Variants in FBXO40 observed in about 807,000 individuals in gnomAD.
FBXO40 encodes F-box only protein 40.
A neutral mutation model predicts 49.9 loss-of-function variants in FBXO40; 50 were observed. The observed-to-expected ratio is 1.00, with a 90% confidence interval of 0.80 to 1.27. The LOEUF (loss-of-function observed/expected upper bound fraction) is 1.27, where lower values mean the gene tolerates loss of function less well. Among genes scored for constraint, FBXO40 ranks in the 50% most tolerant of loss-of-function variants. The pLI, the probability that FBXO40 is intolerant of heterozygous loss-of-function variation, is 0.00. For synonymous variants in FBXO40, 340 were observed against 320.2 expected (o/e 1.06, Z -0.66); for missense variants, 895 against 870.1 (o/e 1.03, Z -0.36).
At chr3:121,603,797 C>A (rs2048913937) in intron 1 of FBXO40, among the ~76,000 whole-genome samples, 2 of 152,320 alleles carry the variant, frequency 1.3e-5, no homozygotes, top group South Asian at 4.1e-4. Context: ...CAGCTCACTG[C>A]AACCTCTGTC....
At position 121,630,234 on chromosome 3, in the gene FBXO40, C is replaced by T. The variant is rs1344678751; in HGVS notation, c.*3324C>T. Reference sequence around the variant, plus strand: ...TGAGTATATCTGTGGTGACTGACCTCTGTATACTAGAAACCTCAACATCTC... The same window carrying T: ...TGAGTATATCTGTGGTGACTGACCTTTGTATACTAGAAACCTCAACATCTC... On this transcript the variant is annotated 3_prime_UTR_variant, in exon 4 of 4. Transcript: ENST00000338040. 1.3e-5 allele frequency: 2 copies of T among 152,346 alleles called. No individual in the cohort carries two copies. The highest frequency in any genetic ancestry group is 3.9e-4 in the East Asian group (2 of 5,192). 9.4% of individuals were successfully genotyped at this position (152,346 alleles called of 1,614,324 possible).
Position 121,629,523 on chromosome 3 carries a change from G to C in FBXO40, c.*2613G>C, listed in dbSNP as rs2049081336. The C allele has an allele frequency of 6.6e-6, 1 of 152,164 alleles. No homozygotes were observed. Among genetic ancestry groups the C allele is most frequent in the African/African-American group, 2.4e-5 (1 of 41,428 alleles). 9.4% of individuals were successfully genotyped at this position (152,164 alleles called of 1,614,324 possible). ...TAGACCAATGGAGATGAAAATCAGG[G>C]GCTATCGACAGATGGAGGAGAAATA... On this transcript the variant is annotated 3_prime_UTR_variant, in exon 4 of 4. Coordinates refer to ENST00000338040, the MANE Select transcript of FBXO40 (RefSeq NM_016298.4).
intron 1 of FBXO40, among the ~76,000 whole-genome samples, chr3:121,610,861 A>G (rs1042382115): frequency 2.0e-5 from 3 of 152,084 alleles, no homozygotes; most frequent in Non-Finnish European, 4.4e-5. Flanking sequence ...GGCTGGTCTC[A>G]AACTCCTGAC....
chr3:121,620,506 G>T, intron 1 of FBXO40, 40 bp from the exon 2 acceptor site: 1 of 1,586,336 alleles, frequency 6.3e-7, no homozygotes, highest in South Asian at 1.1e-5. Context: ...TAACCTAACT[G>T]TTTTTCTTAC....
intron 2 of FBXO40, 90 bp from the exon 3 acceptor site, chr3:121,621,343 A>C: frequency 8.5e-7 from 1 of 1,175,894 alleles, no homozygotes. Context: ...ATAAACAGGA[A>C]ATATGTCAAT....
intron 1 of FBXO40, among the ~76,000 whole-genome samples, chr3:121,613,328 A>G (rs1405376582): frequency 6.6e-6 from 1 of 152,130 alleles, no homozygotes; most frequent in Non-Finnish European, 1.5e-5. Flanking sequence ...CCCCTTGTTC[A>G]TATCAGATAA....
At position 121,599,720 on chromosome 3, in the gene FBXO40, ATATATTTT is replaced by A. The variant is rs1186801015; in HGVS notation, c.-31+6220_-31+6227del. 1.1e-3 allele frequency among the ~76,000 whole-genome samples: 89 copies of A among 81,812 alleles called. 1 individual carries two copies. In the South Asian group the frequency reaches 0.012, roughly 11 times the overall value. The allele number at this position is 81,812 out of a possible 152,430, so 53.7% of individuals were successfully genotyped here. A position where few individuals can be genotyped will look rare whatever the true frequency, so the allele number is the denominator to read the frequency against. On this transcript the variant is annotated intron_variant, in intron 1 of 3. Coordinates refer to ENST00000338040, the MANE Select transcript of FBXO40 (RefSeq NM_016298.4). ...CACACACACACATATATATATATAT[ATATATTTT>A]TTTTTTTTTTTGGAGACGGAGTCTC...
At chr3:121,604,831 C>T (rs1438322916) in intron 1 of FBXO40, among the ~76,000 whole-genome samples, 1 of 152,076 alleles carries the variant, frequency 6.6e-6, no homozygotes, top group Non-Finnish European at 1.5e-5. Flanking sequence ...TGCCAGATAG[C>T]ATCTTATAAT....
At chr3:121,620,702 C>A in intron 2 of FBXO40, 124 bp downstream of exon 2, 1 of 1,213,336 alleles carries the variant, frequency 8.2e-7, no homozygotes, top group South Asian at 1.4e-5. Flanking sequence ...CAACTTTTTT[C>A]CAAACTAGAG....
At chr3:121,602,598 G>A (rs1389279708) in intron 1 of FBXO40, among the ~76,000 whole-genome samples, 1 of 152,134 alleles carries the variant, frequency 6.6e-6, no homozygotes, top group Admixed American at 6.6e-5. Flanking sequence ...ACCCATCCAA[G>A]CTTCCATCGC....
intron 1 of FBXO40, among the ~76,000 whole-genome samples, chr3:121,607,093 T>C (rs971988917): frequency 1.5e-4 from 23 of 151,946 alleles, no homozygotes; most frequent in Non-Finnish European, 2.9e-4. Context: ...GGTGAAACCT[T>C]GTCTCTACTA....
At chr3:121,614,441 CA>C (rs536949533) in intron 1 of FBXO40, among the ~76,000 whole-genome samples, 67 of 139,714 alleles carry the variant, frequency 4.8e-4, no homozygotes, top group Middle Eastern at 3.6e-3. Flanking sequence ...GACTCTGTCT[CA>C]AAAAAAAAAA....
chr3:121,598,049 T>C (rs1399378345), intron 1 of FBXO40, among the ~76,000 whole-genome samples: 2 of 152,192 alleles, frequency 1.3e-5, no homozygotes, highest in Non-Finnish European at 2.9e-5. Flanking sequence ...GAGTGCTCAT[T>C]GATTTACTTT....
At position 121,622,684 on chromosome 3, in the gene FBXO40, A is replaced by G. The variant is rs2049040077; in HGVS notation, c.1255A>G (p.Ile419Val). The change falls in exon 3 of 4, where the codon ATT becomes GTT. Residue 419 changes from isoleucine (I) to valine (V), a missense_variant. By Grantham distance (29) the Ile-to-Val change is conservative. Transcript: ENST00000338040. ...CCACGTCATCTCTGAATCCAGAAGCATTGATGGACTGTTCATGGATTTTGC... is the reference window on the plus strand; with the variant it reads ...CCACGTCATCTCTGAATCCAGAAGCGTTGATGGACTGTTCATGGATTTTGC... ...KGHVISESRS[I>V]DGLFMDFATQ... 1.2e-6 allele frequency: 2 copies of G among 1,614,110 alleles called. No individual in the cohort carries two copies. The highest frequency in any genetic ancestry group is 2.7e-5 in the African/African-American group (2 of 74,946).
intron 1 of FBXO40, among the ~76,000 whole-genome samples, chr3:121,598,419 A>T (rs893847151): frequency 2.0e-5 from 3 of 152,184 alleles, no homozygotes; most frequent in Non-Finnish European, 4.4e-5. Context: ...TTGCCAATCC[A>T]TTCTCCCCAA....
In FBXO40 at chr3:121,610,560, G is replaced by T. The variant is rs865797727; in HGVS notation, c.-30-9986G>T. On this transcript the variant is annotated intron_variant, in intron 1 of 3. Coordinates refer to ENST00000338040, the MANE Select transcript of FBXO40 (RefSeq NM_016298.4). ...TCCCTGACTTTATCATAATTAACAG[G>T]CTTTATCACAAATCTTCTCATTGCT... Among the ~76,000 whole-genome samples, 4 of 152,098 alleles carry T rather than the reference G, an allele frequency of 2.6e-5. No individual in the cohort carries two copies. The East Asian group carries it at 7.7e-4, about 29-fold the overall frequency.
In FBXO40 at chr3:121,628,622, C is replaced by T. The variant is rs992344210; in HGVS notation, c.*1712C>T. The T allele has an allele frequency of 1.3e-5, 2 of 152,110 alleles. No individual in the cohort carries two copies. Among genetic ancestry groups the T allele is most frequent in the African/African-American group, 2.4e-5 (1 of 41,412 alleles). 9.4% of individuals were successfully genotyped at this position (152,110 alleles called of 1,614,324 possible). A position where few individuals can be genotyped will look rare whatever the true frequency, so the allele number is the denominator to read the frequency against. ...AATATTGGGGAGCAAAATGGCTCCC[C>T]GTTGAAAATCCCTAAAGGATGTCAT... On this transcript the variant is annotated 3_prime_UTR_variant, in exon 4 of 4. Coordinates refer to ENST00000338040, the MANE Select transcript of FBXO40 (RefSeq NM_016298.4).
At chr3:121,612,980 G>A (rs1226520347) in intron 1 of FBXO40, among the ~76,000 whole-genome samples, 2 of 150,908 alleles carry the variant, frequency 1.3e-5, no homozygotes, top group Non-Finnish European at 2.9e-5. Flanking sequence ...TGAGGCGGGA[G>A]AATGGCGAGA....
intron 1 of FBXO40, among the ~76,000 whole-genome samples, chr3:121,594,040 A>AT (rs1238474701): frequency 2.0e-5 from 3 of 151,754 alleles, no homozygotes; most frequent in African/African-American, 7.3e-5. Flanking sequence ...CAATTTTTGT[A>AT]TTTTTTTAGT....
Sources: allele counts gnomAD v4.1 joint callset (sites outside exome capture counted in the v4.1 genomes callset), GRCh38; gene constraint gnomAD v4.1.1; transcripts MANE v1.5; gene names NCBI Gene and HGNC (gene_info 2026-07-23, HGNC 2026-07-21).